LARGE1: variants seen among roughly 807,000 people sequenced by gnomAD.
The protein encoded by LARGE1 is xylosyl- and glucuronyltransferase LARGE1.
In LARGE1, 43 loss-of-function variants were observed where a neutral mutation model predicts 87.6. The observed-to-expected ratio is 0.49, with a 90% confidence interval of 0.38 to 0.63. The LOEUF is 0.63. Among genes scored for constraint, LARGE1 ranks in the 30% least tolerant of loss-of-function variants. The pLI is 0.00. For synonymous variants in LARGE1, 434 were observed against 394.6 expected (o/e 1.10, Z -1.18); for missense variants, 802 against 1,000.2 (o/e 0.80, Z 2.67).
At chr22:33,670,420 T>C (rs966160329) in intron 2 of LARGE1, among the ~76,000 whole-genome samples, 1 of 151,320 alleles carries the variant, frequency 6.6e-6, no homozygotes, top group African/African-American at 2.4e-5. Flanking sequence ...ACCAAGACGC[T>C]AGATTGAGAG....
At chr22:33,892,586 T>C (rs1415239524) in intron 1 of LARGE1, among the ~76,000 whole-genome samples, 1 of 152,228 alleles carries the variant, frequency 6.6e-6, no homozygotes, top group Admixed American at 6.5e-5. Context: ...AGGTGCTTCA[T>C]GCATACAAAA....
chr22:33,135,275 T>G, the LARGE1 span, among the ~76,000 whole-genome samples: 10 of 152,140 alleles, frequency 6.6e-5, no homozygotes, highest in Non-Finnish European at 1.5e-4. Flanking sequence ...GTCCACACAT[T>G]GTGCAAAGTT....
intron 1 of LARGE1, among the ~76,000 whole-genome samples, chr22:33,875,548 T>C (rs2076461287): frequency 6.6e-6 from 1 of 152,182 alleles, no homozygotes; most frequent in Non-Finnish European, 1.5e-5. Context: ...CAGCCCGCCA[T>C]GCCTGCTGCA....
chr22:33,497,071 CTTTTTTT>C (rs5845088), intron 6 of LARGE1, among the ~76,000 whole-genome samples: 7 of 133,930 alleles, frequency 5.2e-5, no homozygotes, highest in South Asian at 4.9e-4. Context: ...CTTTTCTTTT[CTTTTTTT>C]TTTTTTTTTC....
intron 6 of LARGE1, among the ~76,000 whole-genome samples, chr22:33,460,049 C>A (rs1174175897): frequency 1.3e-5 from 2 of 152,236 alleles, no homozygotes; most frequent in Non-Finnish European, 2.9e-5. Context: ...CTCTGGACAT[C>A]CCCCTGGGGT....
chr22:33,886,836 T>G (rs571745102), intron 1 of LARGE1, among the ~76,000 whole-genome samples: 1 of 152,114 alleles, frequency 6.6e-6, no homozygotes, highest in East Asian at 1.9e-4. Context: ...CAGGATACAG[T>G]GGCAAGGAAA....
intron 6 of LARGE1, among the ~76,000 whole-genome samples, chr22:33,487,115 C>G (rs915071018): frequency 2.6e-5 from 4 of 152,166 alleles, no homozygotes; most frequent in Non-Finnish European, 5.9e-5. Flanking sequence ...CCCCAACAAA[C>G]CCCTTAAGAA....
chr22:33,675,090 CG>C (rs2081528898), intron 2 of LARGE1, among the ~76,000 whole-genome samples: 1 of 151,570 alleles, frequency 6.6e-6, no homozygotes. Context: ...GTCGAATGTT[CG>C]AGATCATCCT....
At chr22:33,775,611 G>A (rs908234052) in intron 1 of LARGE1, among the ~76,000 whole-genome samples, 3 of 152,160 alleles carry the variant, frequency 2.0e-5, no homozygotes, top group Non-Finnish European at 4.4e-5. Context: ...CAGCACTTTG[G>A]GAGGCTGAAG....
chr22:33,622,079 G>C (rs1213787195), intron 4 of LARGE1, among the ~76,000 whole-genome samples: 2 of 152,130 alleles, frequency 1.3e-5, no homozygotes, highest in African/African-American at 4.8e-5. Context: ...CAACCTCCTG[G>C]TGCCACCCCC....
chr22:33,737,681 G>A (rs9621764), intron 2 of LARGE1: 17,925 of 152,176 alleles, frequency 0.12, 1,398 homozygotes, highest in South Asian at 0.24. Flanking sequence ...TTCAAGTACG[G>A]GGGAAGTGGG....
chr22:33,861,147 G>A (rs895076153), intron 1 of LARGE1, among the ~76,000 whole-genome samples: 5 of 151,990 alleles, frequency 3.3e-5, no homozygotes, highest in Admixed American at 6.6e-5. Context: ...CCATCTGTGC[G>A]GCAAGGAAAA....
chr22:33,214,639 C>T (rs759482059), intron 11 of LARGE1, among the ~76,000 whole-genome samples: 3 of 152,092 alleles, frequency 2.0e-5, no homozygotes, highest in Non-Finnish European at 4.4e-5. Context: ...ATCTGCTCTG[C>T]CTCCTTCCTT....
At chr22:33,408,319 A>G (rs538833278) in intron 7 of LARGE1, among the ~76,000 whole-genome samples, 1 of 152,288 alleles carries the variant, frequency 6.6e-6, no homozygotes, top group East Asian at 1.9e-4. Context: ...AATAAGGAGG[A>G]GTACATAATT....
At chr22:33,571,968 T>C (rs2078218070) in intron 5 of LARGE1, among the ~76,000 whole-genome samples, 1 of 152,218 alleles carries the variant, frequency 6.6e-6, no homozygotes, top group South Asian at 2.1e-4. Context: ...TTAGGTACAA[T>C]GTCTTTAGAG....
At chr22:33,457,523 T>C (rs1229024207) in intron 6 of LARGE1, among the ~76,000 whole-genome samples, 1 of 151,846 alleles carries the variant, frequency 6.6e-6, no homozygotes, top group Non-Finnish European at 1.5e-5. Flanking sequence ...ATAGTCCTTA[T>C]TAAATTAAAA....
chr22:33,313,570 C>T (rs1422614053), intron 11 of LARGE1, among the ~76,000 whole-genome samples: 2 of 152,168 alleles, frequency 1.3e-5, no homozygotes, highest in Non-Finnish European at 2.9e-5. Flanking sequence ...ATAGAAGACT[C>T]CAGGGTCATG....
the LARGE1 span, among the ~76,000 whole-genome samples, chr22:33,108,009 A>T: frequency 1.3e-5 from 2 of 152,356 alleles, no homozygotes; most frequent in South Asian, 4.1e-4. Context: ...TGAATAAAAC[A>T]AATGGAAGAC....
intron 3 of LARGE1, among the ~76,000 whole-genome samples, chr22:33,632,285 A>G (rs1323811334): frequency 6.6e-6 from 1 of 152,110 alleles, no homozygotes; most frequent in African/African-American, 2.4e-5. Flanking sequence ...CATCATGCCC[A>G]GCTAATATTT....
Sources: allele counts gnomAD v4.1 joint callset (sites outside exome capture counted in the v4.1 genomes callset), GRCh38; gene constraint gnomAD v4.1.1; transcripts MANE v1.5; gene names NCBI Gene and HGNC (gene_info 2026-07-23, HGNC 2026-07-21).